Variants in CMIP observed in about 807,000 individuals in gnomAD.
The protein encoded by CMIP is c-Maf inducing protein, also known as C-Maf-inducing protein.
A neutral mutation model predicts 97.3 loss-of-function variants in CMIP; 13 were observed. The observed-to-expected ratio is 0.13, with a 90% CI of 0.09 to 0.21. The LOEUF (loss-of-function observed/expected upper bound fraction) is 0.21. Among genes scored for constraint, CMIP ranks in the 10% least tolerant of loss-of-function variants. The probability of loss-of-function intolerance (pLI) is 1.00; values close to 1 mark genes in which losing one functional copy is unlikely to be tolerated. For synonymous variants in CMIP, 538 were observed against 436.3 expected, an observed-to-expected ratio of 1.23 and a Z score of -2.91; for missense variants, 847 against 1,024.9, an observed-to-expected ratio of 0.83 and a Z score of 2.37.
chr16:81,526,854 C>T (rs958461332), intron 1 of CMIP, among the ~76,000 whole-genome samples: 2 of 152,178 alleles, frequency 1.3e-5, no homozygotes, highest in Admixed American at 6.5e-5. Context: ...TTTGGAAGGG[C>T]CCTGAGCCTC....
intron 1 of CMIP, among the ~76,000 whole-genome samples, chr16:81,500,847 T>G (rs1396042164): frequency 1.3e-5 from 2 of 152,118 alleles, no homozygotes; most frequent in African/African-American, 4.8e-5. Context: ...CCCTTCCTTC[T>G]TTCTTTCCTT....
intron 1 of CMIP, among the ~76,000 whole-genome samples, chr16:81,548,717 G>A (rs1597543016): frequency 6.6e-6 from 1 of 151,908 alleles, no homozygotes; most frequent in South Asian, 2.1e-4. Context: ...ATGGTGGTGT[G>A]TGCCTGTAGT....
At chr16:81,579,690 A>G (rs2091262329) in intron 1 of CMIP, among the ~76,000 whole-genome samples, 1 of 150,706 alleles carries the variant, frequency 6.6e-6, no homozygotes, top group African/African-American at 2.4e-5. Context: ...CTGGGCAAAG[A>G]TTTCATGTAA....
chr16:81,530,820 C>T (rs2090219246), intron 1 of CMIP, among the ~76,000 whole-genome samples: 2 of 152,198 alleles, frequency 1.3e-5, no homozygotes, highest in African/African-American at 4.8e-5. Context: ...CTTTTACATA[C>T]ATTATCTTCG....
chr16:81,569,745 T>A (rs2091049999), intron 1 of CMIP, among the ~76,000 whole-genome samples: 1 of 152,234 alleles, frequency 6.6e-6, no homozygotes, highest in African/African-American at 2.4e-5. Context: ...AGAGCTGGCT[T>A]AGCCATAGCT....
intron 6 of CMIP, among the ~76,000 whole-genome samples, chr16:81,663,062 A>G (rs1231767478): frequency 6.6e-6 from 1 of 151,826 alleles, no homozygotes; most frequent in African/African-American, 2.4e-5. Context: ...ACAAAAAGCA[A>G]ACAAAAGCTC....
chr16:81,612,208 A>T (rs536076771), intron 2 of CMIP, among the ~76,000 whole-genome samples: 1 of 152,254 alleles, frequency 6.6e-6, no homozygotes, highest in African/African-American at 2.4e-5. Flanking sequence ...CTTCTGGGGG[A>T]TTCTGCCTAA....
chr16:81,603,579 T>A (rs528857126), intron 1 of CMIP, among the ~76,000 whole-genome samples: 1 of 152,186 alleles, frequency 6.6e-6, no homozygotes, highest in Non-Finnish European at 1.5e-5. Context: ...TTATTAGGTT[T>A]CTTTAGGTTT....
At chr16:81,558,639 T>C (rs928238757) in intron 1 of CMIP, among the ~76,000 whole-genome samples, 3 of 152,044 alleles carry the variant, frequency 2.0e-5, no homozygotes, top group Non-Finnish European at 4.4e-5. Context: ...ACAGGAGGCG[T>C]GGGGAGGAGG....
intron 9 of CMIP, among the ~76,000 whole-genome samples, chr16:81,672,815 C>G (rs935450601): frequency 1.3e-5 from 2 of 152,188 alleles, no homozygotes; most frequent in African/African-American, 4.8e-5. Context: ...TGGGCTTAAG[C>G]AGTCTTCCCA....
chr16:81,702,535 C>A, intron 16 of CMIP, 87 bp from the exon 17 acceptor site: 2 of 1,312,660 alleles, frequency 1.5e-6, no homozygotes, highest in Non-Finnish European at 2.2e-6. Flanking sequence ...ATAACGATGG[C>A]TCCATGAGTG....
At position 81,604,964 on chromosome 16, in the gene CMIP, G is replaced by A. The variant is rs553770183; in HGVS notation, c.301-2603G>A. ...CTCCTAAATGTCAGACGCCATTTAG[G>A]CATATGAAACAGCAGGTGAACCCTC... On this transcript the variant is annotated intron_variant, in intron 1 of 20. Coordinates refer to ENST00000537098, the MANE Select transcript of CMIP (RefSeq NM_198390.3). 2.6e-5 allele frequency among the ~76,000 whole-genome samples: 4 copies of A among 152,282 alleles called. No homozygotes were observed. In the East Asian group the frequency reaches 7.7e-4, roughly 29 times the overall value.
At chr16:81,455,939 G>C (rs373980834) in intron 1 of CMIP, among the ~76,000 whole-genome samples, 1 of 152,246 alleles carries the variant, frequency 6.6e-6, no homozygotes, top group Non-Finnish European at 1.5e-5. Context: ...CCTTGTAGGC[G>C]ACGCAGGAGT....
chr16:81,572,219 A>G (rs1245894040), intron 1 of CMIP, among the ~76,000 whole-genome samples: 2 of 152,216 alleles, frequency 1.3e-5, no homozygotes, highest in African/African-American at 4.8e-5. Context: ...ATTTCTGGCA[A>G]CTGCCTCAGA....
At position 81,687,413 on chromosome 16, in the gene CMIP, G is replaced by A. The variant is rs567716628; in HGVS notation, c.1389-4362G>A. 5.3e-5 allele frequency among the ~76,000 whole-genome samples: 8 copies of A among 152,324 alleles called. No homozygotes were observed. In the East Asian group the frequency reaches 1.2e-3, roughly 22 times the overall value. On this transcript the variant is annotated intron_variant, in intron 10 of 20. Transcript: ENST00000537098. ...GCTCTGGGCCCTCAGAGGTGCCCAG[G>A]CCTGGCTTAGGCGAGAACTGACTAC...
At chr16:81,669,536 A>C (rs1482570467) in intron 7 of CMIP, among the ~76,000 whole-genome samples, 1 of 72,344 alleles carries the variant, frequency 1.4e-5, no homozygotes, top group African/African-American at 5.8e-5. Flanking sequence ...TCTCACACTC[A>C]CCTCCTTCCA....
chr16:81,543,927 G>A (rs761986514), intron 1 of CMIP, among the ~76,000 whole-genome samples: 7 of 152,212 alleles, frequency 4.6e-5, no homozygotes, highest in South Asian at 2.1e-4. Context: ...GGTCTGAATC[G>A]TATTATCGGG....
chr16:81,639,740 C>T (rs959677588), intron 3 of CMIP, among the ~76,000 whole-genome samples: 20 of 152,160 alleles, frequency 1.3e-4, no homozygotes, highest in South Asian at 4.1e-4. Context: ...AATATACCGG[C>T]GCTCAAAAAA....
At chr16:81,539,460 C>G (rs2090408034) in intron 1 of CMIP, among the ~76,000 whole-genome samples, 1 of 152,178 alleles carries the variant, frequency 6.6e-6, no homozygotes, top group African/African-American at 2.4e-5. Context: ...TCATTGTTTT[C>G]TGCTGGGAGT....
Sources: allele counts gnomAD v4.1 joint callset (sites outside exome capture counted in the v4.1 genomes callset), GRCh38; gene constraint gnomAD v4.1.1; transcripts MANE v1.5; gene names NCBI Gene and HGNC (gene_info 2026-07-23, HGNC 2026-07-21).